RIMS2: variants seen among roughly 807,000 people sequenced by gnomAD.
RIMS2 encodes regulating synaptic membrane exocytosis protein 2.
Under a neutral mutation model 174.4 loss-of-function variants are expected in RIMS2, and 59 were observed. The ratio of observed to expected loss-of-function variants is 0.34; its 90% CI spans 0.27 to 0.42. The LOEUF (loss-of-function observed/expected upper bound fraction) is 0.42, where lower values mean the gene tolerates loss of function less well. RIMS2 is among the 10% of genes least tolerant of loss of function. The pLI is 1.00. For missense variants in RIMS2, 1,620 were observed against 1,666.3 expected, an observed-to-expected ratio of 0.97 and a Z score of 0.48; for synonymous variants, 606 against 572.5, an observed-to-expected ratio of 1.06 and a Z score of -0.84.
intron 19 of RIMS2, among the ~76,000 whole-genome samples, chr8:104,193,866 T>G (rs2099010452): frequency 6.6e-6 from 1 of 152,234 alleles, no homozygotes. Flanking sequence ...TTTCAAATAT[T>G]TCTGATATTA....
chr8:103,762,454 T>C (rs1316603406), intron 2 of RIMS2, among the ~76,000 whole-genome samples: 1 of 152,178 alleles, frequency 6.6e-6, no homozygotes, highest in East Asian at 1.9e-4. Flanking sequence ...GCAAAAGGCC[T>C]GTGACTTTAT....
intron 2 of RIMS2, among the ~76,000 whole-genome samples, chr8:103,701,677 CAT>C (rs2097169548): frequency 6.6e-6 from 1 of 151,940 alleles, no homozygotes; most frequent in East Asian, 1.9e-4. Flanking sequence ...TGAATGAGAA[CAT>C]GTGGTATTTG....
chr8:103,958,714 T>C (rs190698784), intron 14 of RIMS2, among the ~76,000 whole-genome samples: 1 of 152,314 alleles, frequency 6.6e-6, no homozygotes. Flanking sequence ...AGCCAAAGCA[T>C]TTAGTGCTGA....
At chr8:103,600,313 A>C (rs919661932) in intron 1 of RIMS2, among the ~76,000 whole-genome samples, 1 of 150,740 alleles carries the variant, frequency 6.6e-6, no homozygotes, top group African/African-American at 2.5e-5. Context: ...TCTGTCACCC[A>C]GGCTGGAGTG....
chr8:103,737,319 G>A (rs1447485875), intron 2 of RIMS2, among the ~76,000 whole-genome samples: 1 of 151,238 alleles, frequency 6.6e-6, no homozygotes, highest in Non-Finnish European at 1.5e-5. Context: ...GAGTAGCTGG[G>A]ATTACAGGTG....
At chr8:104,221,338 G>A (rs919576824) in intron 19 of RIMS2, among the ~76,000 whole-genome samples, 2 of 151,962 alleles carry the variant, frequency 1.3e-5, no homozygotes, top group South Asian at 4.1e-4. Flanking sequence ...ATACTGTATT[G>A]TATTTTTTTA....
chr8:103,825,890 A>G (rs764041615), intron 3 of RIMS2, among the ~76,000 whole-genome samples: 2 of 152,138 alleles, frequency 1.3e-5, no homozygotes, highest in Non-Finnish European at 2.9e-5. Flanking sequence ...CCCACCAACA[A>G]TGATTGAAGA....
chr8:103,836,263 T>G (rs1479241704), intron 3 of RIMS2, among the ~76,000 whole-genome samples: 5 of 152,158 alleles, frequency 3.3e-5, no homozygotes, highest in Non-Finnish European at 5.9e-5. Context: ...TCTTTTAAAT[T>G]AATAAGTTTT....
intron 1 of RIMS2, among the ~76,000 whole-genome samples, chr8:103,665,277 A>C (rs1385347127): frequency 6.6e-6 from 1 of 152,236 alleles, no homozygotes; most frequent in Non-Finnish European, 1.5e-5. Flanking sequence ...AAGTATAATG[A>C]AAAAATGTGT....
At chr8:104,223,677 C>T (rs1473997944) in intron 19 of RIMS2, 3 of 1,590,342 alleles carry the variant, frequency 1.9e-6, no homozygotes, top group East Asian at 4.5e-5. Context: ...TTGGGGGGTG[C>T]CAGCGCTGCG....
chr8:103,983,649 A>G (rs767317977), intron 16 of RIMS2, among the ~76,000 whole-genome samples: 4 of 152,212 alleles, frequency 2.6e-5, no homozygotes, highest in Non-Finnish European at 5.9e-5. Context: ...CATTGGAGAA[A>G]GGAAGGTCTC....
downstream of RIMS2, chr8:104,253,056 G>A (rs1280584067): frequency 6.6e-6 from 1 of 152,174 alleles, no homozygotes; most frequent in Non-Finnish European, 1.5e-5. Flanking sequence ...CATGACTTGG[G>A]AGTACATTAA....
intron 4 of RIMS2, among the ~76,000 whole-genome samples, chr8:103,896,116 T>G (rs2099276191): frequency 6.6e-6 from 1 of 151,824 alleles, no homozygotes; most frequent in South Asian, 2.1e-4. Flanking sequence ...TGAGGGTCTC[T>G]TATTTCCATG....
At chr8:104,149,792 G>A (rs1012111476) in intron 19 of RIMS2, among the ~76,000 whole-genome samples, 7 of 152,016 alleles carry the variant, frequency 4.6e-5, no homozygotes, top group Non-Finnish European at 7.4e-5. Context: ...TCCTGGACCC[G>A]GCTAATCTTG....
At chr8:103,721,285 C>T (rs571169886) in intron 2 of RIMS2, among the ~76,000 whole-genome samples, 1 of 152,166 alleles carries the variant, frequency 6.6e-6, no homozygotes, top group Non-Finnish European at 1.5e-5. Context: ...AAACTGCGAG[C>T]CAATTAAACC....
At chr8:103,519,223 G>T (rs977817738) in intron 1 of RIMS2, among the ~76,000 whole-genome samples, 3 of 151,936 alleles carry the variant, frequency 2.0e-5, no homozygotes, top group Non-Finnish European at 4.4e-5. Flanking sequence ...TTTGAAATTG[G>T]AACCAAATCA....
At chr8:104,072,483 C>T (rs184398275) in intron 19 of RIMS2, among the ~76,000 whole-genome samples, 1 of 152,190 alleles carries the variant, frequency 6.6e-6, no homozygotes, top group African/African-American at 2.4e-5. Context: ...CACATAGCCA[C>T]TAAGTCATGG....
intron 2 of RIMS2, among the ~76,000 whole-genome samples, chr8:103,739,156 T>C (rs2097726673): frequency 6.6e-6 from 1 of 152,080 alleles, no homozygotes; most frequent in African/African-American, 2.4e-5. Flanking sequence ...TAGACTGGAT[T>C]AAGAAAATGT....
chr8:103,660,349 C>T (rs1286302180), intron 1 of RIMS2, among the ~76,000 whole-genome samples: 2 of 152,218 alleles, frequency 1.3e-5, no homozygotes, highest in Admixed American at 6.5e-5. Flanking sequence ...CCCTTTGCTT[C>T]CTGCTATTCC....
Sources: gnomAD v4.1 joint callset for allele counts (sites outside exome capture counted in the v4.1 genomes callset) on GRCh38, gnomAD v4.1.1 for gene constraint, MANE v1.5 for transcripts, NCBI Gene and HGNC (gene_info 2026-07-23, HGNC 2026-07-21) for gene names.